ZNF106: variants seen among roughly 807,000 people sequenced by gnomAD.
The protein encoded by ZNF106 is SH3-domain binding protein 3.
A neutral mutation model predicts 195.1 loss-of-function variants in ZNF106; 67 were observed. The observed-to-expected ratio is 0.34, with a 90% CI of 0.28 to 0.42. ZNF106 has a LOEUF of 0.42. Among genes scored for constraint, ZNF106 ranks in the 10% least tolerant of loss-of-function variants. The probability of loss-of-function intolerance (pLI) is 1.00; values close to 1 mark genes in which losing one functional copy is unlikely to be tolerated. For synonymous variants in ZNF106, 784 were observed against 818.6 expected (o/e 0.96, Z 0.72); for missense variants, 2,118 against 2,304.5 (o/e 0.92, Z 1.66).
Position 42,448,605 on chromosome 15 carries a change from C to T in ZNF106, c.2602G>A (p.Gly868Ser), listed in dbSNP as rs1348839280. Residue 868 changes from glycine (G) to serine (S), a missense_variant, in exon 6 of 22, where the codon GGT (glycine) becomes AGT (serine). Transcript: ENST00000564754. Reference sequence around the variant, plus strand: ...CCAGGGGACGAGGAAATGGAAACACCTTCCCACTGGAATCCTTCTAGACTG... The same window carrying T: ...CCAGGGGACGAGGAAATGGAAACACTTTCCCACTGGAATCCTTCTAGACTG... ...LSSLEGFQWE[G>S]VSISSSPGLA... 1.2e-6 allele frequency: 2 copies of T among 1,614,002 alleles called. No individual in the cohort carries two copies. The highest frequency in any genetic ancestry group is 1.3e-5 in the African/African-American group (1 of 74,924).
At chr15:42,464,494 A>G (rs948679406) in intron 3 of ZNF106, among the ~76,000 whole-genome samples, 12 of 150,678 alleles carry the variant, frequency 8.0e-5, no homozygotes, top group Non-Finnish European at 1.3e-4. Flanking sequence ...TCACAAATAG[A>G]CCAAAGACAT....
intron 1 of ZNF106, among the ~76,000 whole-genome samples, chr15:42,485,520 G>A (rs547256118): frequency 3.9e-5 from 6 of 152,142 alleles, no homozygotes; most frequent in East Asian, 3.9e-4. Flanking sequence ...CCCACACCCC[G>A]AAGTAAGTGC....
intron 1 of ZNF106, among the ~76,000 whole-genome samples, chr15:42,478,043 T>C (rs185823831): frequency 2.4e-4 from 37 of 151,110 alleles, no homozygotes; most frequent in African/African-American, 9.0e-4. Context: ...GCAGTGGTGC[T>C]ATCTCAGCTC....
At chr15:42,449,706 T>C in intron 5 of ZNF106, 65 bp downstream of exon 5, 1 of 1,523,168 alleles carries the variant, frequency 6.6e-7, no homozygotes, top group Non-Finnish European at 8.8e-7. Flanking sequence ...ATTCTCTTGA[T>C]CAGGGTCAAA....
chr15:42,420,310 A>G (rs1191151078), intron 20 of ZNF106, among the ~76,000 whole-genome samples: 1 of 152,160 alleles, frequency 6.6e-6, no homozygotes, highest in Non-Finnish European at 1.5e-5. Context: ...TATCTACATT[A>G]TATTCGCTAC....
chr15:42,426,853 A>C (rs1380605450), intron 15 of ZNF106, among the ~76,000 whole-genome samples: 1 of 152,238 alleles, frequency 6.6e-6, no homozygotes, highest in Non-Finnish European at 1.5e-5. Context: ...CTGCATCTAA[A>C]ATGCAAAAAT....
At chr15:42,441,449 A>G (rs2055533866) in intron 10 of ZNF106, among the ~76,000 whole-genome samples, 1 of 152,206 alleles carries the variant, frequency 6.6e-6, no homozygotes, top group Non-Finnish European at 1.5e-5. Flanking sequence ...GCTTTTGCTC[A>G]GGAAACCACA....
intron 14 of ZNF106, among the ~76,000 whole-genome samples, chr15:42,434,412 T>C (rs62022307): frequency 0.089 from 13,492 of 152,286 alleles, 778 homozygotes; most frequent in Non-Finnish European, 0.13. Context: ...GTCACTGTGA[T>C]GCACACTAAA....
intron 3 of ZNF106, 119 bp from the exon 4 acceptor site, chr15:42,457,277 G>A: frequency 6.5e-7 from 1 of 1,539,932 alleles, no homozygotes; most frequent in East Asian, 2.3e-5. Context: ...AAAAATTAGT[G>A]CTAATTAATT....
intron 1 of ZNF106, among the ~76,000 whole-genome samples, chr15:42,481,445 C>A (rs1049081851): frequency 6.6e-6 from 1 of 150,576 alleles, no homozygotes; most frequent in Non-Finnish European, 1.5e-5. Context: ...GTAACCTCCA[C>A]CTCCTGGGTT....
rs2054329998 is a variant in ZNF106, at chr15:42,413,272, T to C, written c.*4032A>G. On this transcript the variant is annotated 3_prime_UTR_variant, in exon 22 of 22. Coordinates refer to ENST00000564754, the MANE Select transcript of ZNF106 (RefSeq NM_001366845.3). The stretch of plus-strand genomic sequence containing the variant: ...CACTTGCATAAGGAAACCTAGTCTA[T>C]CCCAAATCACCTCCACCACAACTTC... The C allele has an allele frequency of 6.6e-6, 1 of 152,164 alleles. No homozygotes were observed. Among genetic ancestry groups the C allele is most frequent in the South Asian group, 2.1e-4 (1 of 4,822 alleles). The allele number at this position is 152,164 out of a possible 1,614,324, so 9.4% of individuals were successfully genotyped here.
chr15:42,424,268 G>A (rs561658070), intron 16 of ZNF106: 11 of 522,686 alleles, frequency 2.1e-5, no homozygotes, highest in East Asian at 1.8e-4. Context: ...GTATTATTAC[G>A]TTTGTTACCT....
chr15:42,417,222 A>C lies in ZNF106; in HGVS notation c.*82T>G. On this transcript the variant is annotated 3_prime_UTR_variant, in exon 22 of 22. Coordinates refer to ENST00000564754, the MANE Select transcript of ZNF106 (RefSeq NM_001366845.3). ...CTTTCTCCTTCCTTACTTCACCAAG[A>C]AAGGGAAGAGAGTGGCCTGTGTGGG... 6.7e-7 allele frequency: 1 copy of C among 1,484,008 alleles called. No individual in the cohort carries two copies. Among genetic ancestry groups the C allele is most frequent in the Admixed American group, 1.7e-5 (1 of 57,814 alleles). 91.9% of individuals were successfully genotyped at this position (1,484,008 alleles called of 1,614,324 possible).
Position 42,482,017 on chromosome 15 carries a change from T to A in ZNF106, c.-33+8963A>T, listed in dbSNP as rs1036749427. Reference sequence around the variant, plus strand: ...GATCCCAGGTCACTGAGGATGTATTTCTTTTTCCCTCCCACTCTTCCTTCA... The same window carrying A: ...GATCCCAGGTCACTGAGGATGTATTACTTTTTCCCTCCCACTCTTCCTTCA... On this transcript the variant is annotated intron_variant, in intron 1 of 21. Transcript: ENST00000564754. Among the ~76,000 whole-genome samples the A allele has an allele frequency of 5.3e-5, 8 of 152,322 alleles. No individual in the cohort carries two copies. The East Asian group carries it at 1.5e-3, about 29-fold the overall frequency.
At chr15:42,439,991 C>G (rs1326398174) in intron 10 of ZNF106, among the ~76,000 whole-genome samples, 178 bp from the exon 11 acceptor site, 1 of 152,196 alleles carries the variant, frequency 6.6e-6, no homozygotes, top group Non-Finnish European at 1.5e-5. Context: ...CACTTACTAC[C>G]CTCTGCCTTG....
At chr15:42,445,968 C>A (rs1390814068) in intron 7 of ZNF106, among the ~76,000 whole-genome samples, 2 of 152,164 alleles carry the variant, frequency 1.3e-5, no homozygotes, top group Non-Finnish European at 2.9e-5. Context: ...GGGGAAGCAA[C>A]CAAGATGCCT....
In ZNF106 at chr15:42,414,028, C is replaced by T. The variant is rs1304383810; in HGVS notation, c.*3276G>A. On this transcript the variant is annotated 3_prime_UTR_variant, in exon 22 of 22. Transcript: ENST00000564754. ...ACAAAAAGATTTATACTATGGTTTT[C>T]TTGGCTTTAAGCCATTAGAATTAGA... 2 of 152,338 alleles carry T rather than the reference C, an allele frequency of 1.3e-5. No individual in the cohort carries two copies. Among genetic ancestry groups the T allele is most frequent in the African/African-American group, 4.8e-5 (2 of 41,568 alleles). 9.4% of individuals were successfully genotyped at this position (152,338 alleles called of 1,614,324 possible).
At chr15:42,468,482 C>T (rs2056584326) in intron 2 of ZNF106, among the ~76,000 whole-genome samples, 1 of 151,884 alleles carries the variant, frequency 6.6e-6, no homozygotes, top group African/African-American at 2.4e-5. Context: ...CGGTGGCTCA[C>T]GCCTATAATC....
intron 11 of ZNF106, among the ~76,000 whole-genome samples, 168 bp downstream of exon 11, chr15:42,438,861 GAGAA>G (rs2055386025): frequency 6.6e-6 from 1 of 152,182 alleles, no homozygotes; most frequent in South Asian, 2.1e-4. Context: ...ACAGTCAAAA[GAGAA>G]AGCAGAAAAT....
Sources: allele counts gnomAD v4.1 joint callset (sites outside exome capture counted in the v4.1 genomes callset), GRCh38; gene constraint gnomAD v4.1.1; transcripts MANE v1.5; gene names NCBI Gene and HGNC (gene_info 2026-07-23, HGNC 2026-07-21).